HEMK2: variants seen among roughly 807,000 people sequenced by gnomAD.
HEMK2 encodes methyltransferase HEMK2.
the HEMK2 span, among the ~76,000 whole-genome samples, chr21:28,598,465 C>CTGGTTGGCA: frequency 6.6e-6 from 1 of 152,168 alleles, no homozygotes; most frequent in Non-Finnish European, 1.5e-5. Flanking sequence ...GGCAACACAT[C>CTGGTTGGCA]ACATATGTTG....
the HEMK2 span, among the ~76,000 whole-genome samples, chr21:28,699,532 G>T: frequency 6.6e-6 from 1 of 152,110 alleles, no homozygotes; most frequent in Admixed American, 6.6e-5. Flanking sequence ...TTAACAAGAA[G>T]AATACATGAT....
At chr21:28,721,457 T>C in the HEMK2 span, among the ~76,000 whole-genome samples, 3 of 152,182 alleles carry the variant, frequency 2.0e-5, no homozygotes, top group Non-Finnish European at 4.4e-5. Flanking sequence ...TATTTTTACA[T>C]AATAGGCATT....
the HEMK2 span, among the ~76,000 whole-genome samples, chr21:28,850,069 C>T: frequency 6.6e-6 from 1 of 152,072 alleles, no homozygotes. Flanking sequence ...TCACCAAATT[C>T]CTCAAGGTCA....
At chr21:28,788,332 A>C in the HEMK2 span, among the ~76,000 whole-genome samples, 1 of 151,812 alleles carries the variant, frequency 6.6e-6, no homozygotes, top group Non-Finnish European at 1.5e-5. Flanking sequence ...ATATGATGGA[A>C]TACTATGCAG....
chr21:28,699,677 G>C, the HEMK2 span, among the ~76,000 whole-genome samples: 2 of 152,198 alleles, frequency 1.3e-5, no homozygotes, highest in Admixed American at 6.5e-5. Context: ...ATCAATAAAA[G>C]GGTGGAGTGC....
the HEMK2 span, among the ~76,000 whole-genome samples, chr21:28,824,582 C>T: frequency 0.23 from 35,647 of 151,958 alleles, 5,884 homozygotes; most frequent in African/African-American, 0.46. Context: ...ATTAGTACTC[C>T]GCCTGAGATC....
At chr21:28,695,912 T>C in the HEMK2 span, among the ~76,000 whole-genome samples, 105 of 152,152 alleles carry the variant, frequency 6.9e-4, 2 homozygotes, top group East Asian at 0.019. Context: ...CCAGATACAA[T>C]GGGGGTTGTA....
the HEMK2 span, among the ~76,000 whole-genome samples, chr21:28,779,355 A>G: frequency 4.6e-5 from 7 of 152,338 alleles, no homozygotes; most frequent in South Asian, 4.1e-4. Flanking sequence ...GGAGTGAAAT[A>G]AGCCAGGAAT....
chr21:28,622,517 G>A, the HEMK2 span, among the ~76,000 whole-genome samples: 1 of 152,240 alleles, frequency 6.6e-6, no homozygotes, highest in South Asian at 2.1e-4. Flanking sequence ...AGCCCATATA[G>A]CCAAGACAAT....
the HEMK2 span, chr21:28,883,159 A>G: frequency 1.9e-4 from 152 of 819,640 alleles, no homozygotes; most frequent in African/African-American, 3.5e-4. Context: ...TCTAGCATAT[A>G]TATTTCTCTA....
At chr21:28,621,879 A>T in the HEMK2 span, among the ~76,000 whole-genome samples, 3 of 152,220 alleles carry the variant, frequency 2.0e-5, no homozygotes, top group Non-Finnish European at 2.9e-5. Context: ...ATGATGGCTT[A>T]GCTTGGGCTC....
chr21:28,585,237 C>A, the HEMK2 span, among the ~76,000 whole-genome samples: 1 of 151,926 alleles, frequency 6.6e-6, no homozygotes, highest in African/African-American at 2.4e-5. Flanking sequence ...GAGGCTGAGG[C>A]AGGAGAATCG....
chr21:28,623,875 C>T, the HEMK2 span, among the ~76,000 whole-genome samples: 1 of 152,088 alleles, frequency 6.6e-6, no homozygotes, highest in Non-Finnish European at 1.5e-5. Context: ...ATGAGAAATA[C>T]CTAATGTATA....
chr21:28,751,762 C>T, the HEMK2 span, among the ~76,000 whole-genome samples: 29,458 of 152,128 alleles, frequency 0.19, 3,566 homozygotes, highest in African/African-American at 0.34. Context: ...TCACCGCAAC[C>T]TCTGCCTCCT....
At chr21:28,713,654 G>C in the HEMK2 span, among the ~76,000 whole-genome samples, 2 of 152,048 alleles carry the variant, frequency 1.3e-5, no homozygotes, top group East Asian at 3.9e-4. Context: ...CCCTGTCCCT[G>C]GGAACCAAAC....
chr21:28,839,101 A>G, the HEMK2 span, among the ~76,000 whole-genome samples: 1 of 150,476 alleles, frequency 6.6e-6, no homozygotes, highest in East Asian at 1.9e-4. Flanking sequence ...CAACAGATAA[A>G]CAGAATTAAA....
chr21:28,749,355 T>C, the HEMK2 span, among the ~76,000 whole-genome samples: 1 of 152,230 alleles, frequency 6.6e-6, no homozygotes, highest in Admixed American at 6.5e-5. Context: ...CATTTAATTC[T>C]CATAAGAACT....
chr21:28,711,020 C>A, the HEMK2 span, among the ~76,000 whole-genome samples: 1 of 151,994 alleles, frequency 6.6e-6, no homozygotes, highest in Non-Finnish European at 1.5e-5. Flanking sequence ...GCTCCAGAGC[C>A]TTGTTATTTT....
At chr21:28,726,762 G>C in the HEMK2 span, among the ~76,000 whole-genome samples, 1 of 151,808 alleles carries the variant, frequency 6.6e-6, no homozygotes, top group Non-Finnish European at 1.5e-5. Flanking sequence ...ACAAAAATTA[G>C]CCGGGAGTGG....
Sources: gnomAD v4.1 joint callset for allele counts (sites outside exome capture counted in the v4.1 genomes callset) on GRCh38, gnomAD v4.1.1 for gene constraint, MANE v1.5 for transcripts, NCBI Gene and HGNC (gene_info 2026-07-23, HGNC 2026-07-21) for gene names.